The following TENM1 variants were observed in gnomAD, a reference collection of about 807,000 sequenced individuals.
The protein encoded by TENM1 is teneurin-1.
In TENM1, 35 loss-of-function variants were observed where a neutral mutation model predicts 174.8. The observed-to-expected ratio is 0.20, with a 90% confidence interval of 0.15 to 0.27. The LOEUF (loss-of-function observed/expected upper bound fraction) is 0.27. Ranked by LOEUF, TENM1 falls within the 10% of genes least tolerant of loss-of-function variation. The probability of loss-of-function intolerance (pLI) is 1.00; values close to 1 mark genes in which losing one functional copy is unlikely to be tolerated. For synonymous variants in TENM1, 781 were observed against 798.7 expected (o/e 0.98, Z 0.37); for missense variants, 1,633 against 2,130.1 (o/e 0.77, Z 4.59).
chrX:124,622,813 C>T (rs1480881831), intron 11 of TENM1, among the ~76,000 whole-genome samples: 1 of 111,688 alleles, frequency 9.0e-6, no homozygotes, highest in Non-Finnish European at 1.9e-5. Flanking sequence ...AATTACTCTA[C>T]AGTGCACATA....
chrX:124,904,351 G>A (rs772688121), intron 1 of TENM1, among the ~76,000 whole-genome samples: 1 of 111,580 alleles, frequency 9.0e-6, no homozygotes, highest in South Asian at 3.8e-4. Flanking sequence ...AGGTGGTATT[G>A]CCATCCCCTC....
chrX:124,472,411 A>C (rs904536434), intron 22 of TENM1, among the ~76,000 whole-genome samples: 2 of 105,025 alleles, frequency 1.9e-5, no homozygotes, highest in African/African-American at 6.9e-5. Context: ...CAACAAAAAA[A>C]CCCAGAAGCT....
intron 18 of TENM1, among the ~76,000 whole-genome samples, chrX:124,508,605 T>C (rs1412370028): frequency 3.6e-5 from 4 of 111,871 alleles, no homozygotes; most frequent in South Asian, 7.4e-4. Flanking sequence ...GAAGAGAAAG[T>C]ACAGGTAGGA....
intron 3 of TENM1, among the ~76,000 whole-genome samples, chrX:124,836,125 A>G (rs771572368): frequency 1.2e-4 from 13 of 112,336 alleles, no homozygotes; most frequent in African/African-American, 3.9e-4. Context: ...CTGCTGTCTA[A>G]AATATGCTAT....
intron 3 of TENM1, among the ~76,000 whole-genome samples, chrX:124,851,460 A>G (rs1454356070): frequency 8.9e-6 from 1 of 111,839 alleles, no homozygotes; most frequent in Admixed American, 9.5e-5. Context: ...GTATGTGCAT[A>G]TGCATATAAA....
rs1397694109 is a variant in TENM1 at position 124,494,782 on chromosome X, G to A, written c.3695+2234C>T. On this transcript the variant is annotated intron_variant, in intron 20 of 31. Transcript: ENST00000422452. ...GCGGTGTTTGGTTTTCTGCTCTTGCGATAGTTTACTGAGAATGATGATTTC... is the reference window on the plus strand; with the variant it reads ...GCGGTGTTTGGTTTTCTGCTCTTGCAATAGTTTACTGAGAATGATGATTTC... Among the ~76,000 whole-genome samples the A allele has an allele frequency of 4.6e-5, 5 of 108,497 alleles. No individual in the cohort carries two copies. The South Asian group carries it at 1.7e-3, about 36-fold the overall frequency. 94.2% of individuals were successfully genotyped at this position (108,497 alleles called of 115,157 possible). A position where few individuals can be genotyped will look rare whatever the true frequency, so the allele number is the denominator to read the frequency against.
chrX:124,949,265 A>G (rs1350604459), intron 1 of TENM1, among the ~76,000 whole-genome samples: 1 of 112,087 alleles, frequency 8.9e-6, no homozygotes, highest in Non-Finnish European at 1.9e-5. Flanking sequence ...ATTTATGTAT[A>G]CAATTTCCAT....
intron 12 of TENM1, among the ~76,000 whole-genome samples, chrX:124,564,811 G>T (rs2048904875): frequency 1.8e-5 from 2 of 111,137 alleles, no homozygotes; most frequent in Non-Finnish European, 3.8e-5. Context: ...AGCAATAAGG[G>T]GTGAAGGGAG....
chrX:125,169,008 G>A, the TENM1 span, among the ~76,000 whole-genome samples: 18 of 110,587 alleles, frequency 1.6e-4, no homozygotes, highest in South Asian at 3.8e-4. Flanking sequence ...GTGTGTGTGC[G>A]CACGCAGATC....
chrX:124,795,856 C>T (rs2055293995), intron 3 of TENM1, among the ~76,000 whole-genome samples: 1 of 110,975 alleles, frequency 9.0e-6, no homozygotes, highest in Admixed American at 9.6e-5. Context: ...TTTTGAGGAT[C>T]TGCTTCTGAA....
chrX:124,678,527 C>T (rs764928009), intron 5 of TENM1, among the ~76,000 whole-genome samples: 4 of 110,782 alleles, frequency 3.6e-5, no homozygotes, highest in Non-Finnish European at 5.7e-5. Flanking sequence ...CTCAACAAAC[C>T]TTTGTTAAGC....
At chrX:124,443,065 T>TGC (rs1176104801) in intron 23 of TENM1, among the ~76,000 whole-genome samples, 1 of 70,461 alleles carries the variant, frequency 1.4e-5, no homozygotes, top group African/African-American at 4.2e-5. Flanking sequence ...TGTGTGTGTG[T>TGC]GTGTGTGTGT....
chrX:124,746,316 G>A (rs1181230443), intron 3 of TENM1, among the ~76,000 whole-genome samples: 8 of 111,202 alleles, frequency 7.2e-5, no homozygotes, highest in African/African-American at 2.6e-4. Flanking sequence ...GCCTGTATCT[G>A]AAAAGTTTTC....
intron 8 of TENM1, among the ~76,000 whole-genome samples, chrX:124,649,641 A>C (rs1204169727): frequency 8.9e-6 from 1 of 112,095 alleles, no homozygotes; most frequent in Non-Finnish European, 1.9e-5. Context: ...GATACTGACA[A>C]TGCTGCCTAT....
At chrX:124,638,789 A>G (rs1359721008) in intron 11 of TENM1, among the ~76,000 whole-genome samples, 1 of 111,613 alleles carries the variant, frequency 9.0e-6, no homozygotes, top group Non-Finnish European at 1.9e-5. Context: ...TGAGCTCACC[A>G]TAGCTGGCCC....
intron 23 of TENM1, among the ~76,000 whole-genome samples, chrX:124,447,521 G>A (rs1244073665): frequency 9.0e-6 from 1 of 111,558 alleles, no homozygotes; most frequent in Non-Finnish European, 1.9e-5. Context: ...CTACTCTGCC[G>A]CTGGTATCTG....
intron 6 of TENM1, among the ~76,000 whole-genome samples, chrX:124,658,969 A>G (rs1350275429): frequency 9.0e-6 from 1 of 111,367 alleles, no homozygotes; most frequent in Non-Finnish European, 1.9e-5. Flanking sequence ...CCACATTCCC[A>G]AAAACTTTAG....
chrX:124,778,923 C>T (rs1202103537), intron 3 of TENM1, among the ~76,000 whole-genome samples: 1 of 111,575 alleles, frequency 9.0e-6, no homozygotes, highest in African/African-American at 3.3e-5. Context: ...TATATTTAAC[C>T]AAACAATTCA....
the TENM1 span, among the ~76,000 whole-genome samples, chrX:124,997,590 A>G: frequency 3.6e-5 from 4 of 111,884 alleles, no homozygotes; most frequent in South Asian, 1.5e-3. Context: ...AAAAGATCTC[A>G]GTTTAATGTG....
Sources: gnomAD v4.1 joint callset for allele counts (sites outside exome capture counted in the v4.1 genomes callset) on GRCh38, gnomAD v4.1.1 for gene constraint, MANE v1.5 for transcripts, NCBI Gene and HGNC (gene_info 2026-07-23, HGNC 2026-07-21) for gene names.